Variants in PDCD6IP observed in about 807,000 individuals in gnomAD.
PDCD6IP encodes the protein programmed cell death 6 interacting protein, also known as programmed cell death 6-interacting protein.
A neutral mutation model predicts 103.7 loss-of-function variants in PDCD6IP; 43 were observed. That is an observed-to-expected ratio of 0.41 (90% CI 0.32 to 0.53). The LOEUF (loss-of-function observed/expected upper bound fraction) is 0.53, where lower values mean the gene tolerates loss of function less well. Ranked by LOEUF, PDCD6IP falls within the 20% of genes least tolerant of loss-of-function variation. The pLI, the probability that PDCD6IP is intolerant of heterozygous loss-of-function variation, is 0.16. For synonymous variants in PDCD6IP, 354 were observed against 378.7 expected (o/e 0.93, Z 0.76); for missense variants, 871 against 1,036.7 (o/e 0.84, Z 2.20).
intron 12 of PDCD6IP, among the ~76,000 whole-genome samples, chr3:33,850,782 C>T (rs532898216): frequency 6.6e-6 from 1 of 151,686 alleles, no homozygotes; most frequent in African/African-American, 2.4e-5. Context: ...ATTCTTTCTC[C>T]TCCTCCTTCC....
chr3:33,860,988 A>T (rs908457767), intron 15 of PDCD6IP, among the ~76,000 whole-genome samples: 1 of 145,308 alleles, frequency 6.9e-6, no homozygotes, highest in Non-Finnish European at 1.5e-5. Context: ...TAAAATTTGT[A>T]GTAGCCGTAG....
rs1698085239 is a variant in PDCD6IP, at chr3:33,867,193, C to A, written c.*668C>A. On this transcript the variant is annotated 3_prime_UTR_variant, in exon 18 of 18. Transcript: ENST00000307296. ...ATTATCATACTTTATCTTTCGTATGCTGATTAGTAAACGATTTTTGACATT... is the reference window on the plus strand; with the variant it reads ...ATTATCATACTTTATCTTTCGTATGATGATTAGTAAACGATTTTTGACATT... 1 of 152,044 alleles carries A rather than the reference C, an allele frequency of 6.6e-6. No individual in the cohort carries two copies. The allele number at this position is 152,044 out of a possible 1,614,324, so 9.4% of individuals were successfully genotyped here.
At chr3:33,863,051 A>G (rs947068194) in intron 15 of PDCD6IP, among the ~76,000 whole-genome samples, 17 of 152,160 alleles carry the variant, frequency 1.1e-4, no homozygotes, top group Non-Finnish European at 1.6e-4. Flanking sequence ...AATGTAGTAT[A>G]TTTTGTTTTT....
intron 7 of PDCD6IP, chr3:33,835,224 C>T: frequency 2.2e-6 from 1 of 456,598 alleles, no homozygotes; most frequent in South Asian, 1.5e-5. Context: ...ATGTTGTTCA[C>T]TTCCTGTGTT....
At chr3:33,829,886 T>C (rs1451863960) in intron 7 of PDCD6IP, among the ~76,000 whole-genome samples, 1 of 152,200 alleles carries the variant, frequency 6.6e-6, no homozygotes, top group Non-Finnish European at 1.5e-5. Context: ...TGTGTTGTGT[T>C]ACCTGTGGTG....
intron 10 of PDCD6IP, 143 bp from the exon 11 acceptor site, chr3:33,843,969 A>C (rs1365240350): frequency 1.2e-5 from 6 of 520,874 alleles, no homozygotes; most frequent in Non-Finnish European, 2.1e-5. Context: ...AGATGTCTGC[A>C]AGAAAAAAGT....
chr3:33,805,519 C>T (rs1045944758), intron 1 of PDCD6IP, among the ~76,000 whole-genome samples: 22 of 151,910 alleles, frequency 1.4e-4, no homozygotes, highest in African/African-American at 4.6e-4. Context: ...ACTGCAGCCT[C>T]GATCTCCTGG....
intron 12 of PDCD6IP, among the ~76,000 whole-genome samples, chr3:33,849,534 T>C (rs1044376055): frequency 6.6e-6 from 1 of 152,194 alleles, no homozygotes; most frequent in African/African-American, 2.4e-5. Context: ...AACAAAAGTA[T>C]TTGTTTGAAT....
chr3:33,813,017 GT>G (rs1330738693), intron 2 of PDCD6IP, among the ~76,000 whole-genome samples: 1 of 152,106 alleles, frequency 6.6e-6, no homozygotes, highest in Non-Finnish European at 1.5e-5. Flanking sequence ...CAGAGAGAGA[GT>G]TTTTTAATAA....
At chr3:33,821,708 A>G (rs1696995300) in intron 3 of PDCD6IP, among the ~76,000 whole-genome samples, 1 of 152,242 alleles carries the variant, frequency 6.6e-6, no homozygotes, top group African/African-American at 2.4e-5. Context: ...ATGTGGAAGT[A>G]AAGGGAAGGA....
At chr3:33,858,508 A>C (rs1697878800) in intron 15 of PDCD6IP, among the ~76,000 whole-genome samples, 1 of 152,090 alleles carries the variant, frequency 6.6e-6, no homozygotes, top group Non-Finnish European at 1.5e-5. Flanking sequence ...AACAAACATA[A>C]ATAAAGAAAT....
chr3:33,851,172 T>C (rs1697704960), intron 12 of PDCD6IP, among the ~76,000 whole-genome samples: 1 of 152,002 alleles, frequency 6.6e-6, no homozygotes, highest in Non-Finnish European at 1.5e-5. Context: ...CCATGGGAAT[T>C]GGAATTGCTG....
At chr3:33,845,140 T>C (rs1697564702) in intron 11 of PDCD6IP, among the ~76,000 whole-genome samples, 1 of 152,184 alleles carries the variant, frequency 6.6e-6, no homozygotes, top group African/African-American at 2.4e-5. Flanking sequence ...TCATGAGTTA[T>C]AGGAAAAGAT....
chr3:33,824,564 A>G (rs1035231720), intron 4 of PDCD6IP, among the ~76,000 whole-genome samples: 4 of 152,152 alleles, frequency 2.6e-5, no homozygotes, highest in Admixed American at 2.0e-4. Flanking sequence ...CGGCCAACTC[A>G]TGACACCTTT....
At chr3:33,853,818 T>C (rs922674150) in intron 13 of PDCD6IP, 61 bp from the exon 14 acceptor site, 1 of 1,228,942 alleles carries the variant, frequency 8.1e-7, no homozygotes, top group African/African-American at 1.6e-5. Flanking sequence ...TCAATAAAAA[T>C]GTTATGAGCT....
chr3:33,816,182 G>A (rs1385546108), intron 3 of PDCD6IP, among the ~76,000 whole-genome samples: 2 of 152,148 alleles, frequency 1.3e-5, no homozygotes, highest in Non-Finnish European at 2.9e-5. Context: ...GAAAGTTTTG[G>A]AGTAGGGCAC....
At chr3:33,858,679 G>A (rs1301680432) in intron 15 of PDCD6IP, among the ~76,000 whole-genome samples, 4 of 151,940 alleles carry the variant, frequency 2.6e-5, no homozygotes, top group Admixed American at 6.6e-5. Context: ...GCGTGGTGGC[G>A]GGCGCCTGTA....
At chr3:33,813,670 C>T (rs1315878702) in intron 3 of PDCD6IP, 42 bp downstream of exon 3, 1 of 1,111,672 alleles carries the variant, frequency 9.0e-7, no homozygotes, top group Admixed American at 1.8e-5. Context: ...ATTGGTCTAA[C>T]TACTTTGCAT....
chr3:33,819,968 A>G (rs1019510394), intron 3 of PDCD6IP, among the ~76,000 whole-genome samples: 3 of 151,978 alleles, frequency 2.0e-5, no homozygotes, highest in Non-Finnish European at 2.9e-5. Context: ...TCATCTTACA[A>G]AACAAACTCT....
Sources: allele counts gnomAD v4.1 joint callset (sites outside exome capture counted in the v4.1 genomes callset), GRCh38; gene constraint gnomAD v4.1.1; transcripts MANE v1.5; gene names NCBI Gene and HGNC (gene_info 2026-07-23, HGNC 2026-07-21).